POT1: variants seen among roughly 807,000 people sequenced by gnomAD.
POT1 encodes protection of telomeres protein 1.
A neutral mutation model predicts 78.5 loss-of-function variants in POT1; 47 were observed. That is an observed-to-expected ratio of 0.60 (90% confidence interval 0.47 to 0.76). The LOEUF (loss-of-function observed/expected upper bound fraction) is 0.76. POT1 is among the 30% of genes least tolerant of loss of function. The probability of loss-of-function intolerance (pLI) is 0.00; values close to 1 mark genes in which losing one functional copy is unlikely to be tolerated. For synonymous variants in POT1, 259 were observed against 260.7 expected, an observed-to-expected ratio of 0.99 and a Z score of 0.06; for missense variants, 646 against 749.9, an observed-to-expected ratio of 0.86 and a Z score of 1.62.
rs762511146 is a variant in POT1 at position 124,827,315 on chromosome 7, GA to G, written c.1595-11del. 8 of 1,502,220 alleles carry G rather than the reference GA, an allele frequency of 5.3e-6. No homozygotes were observed. The highest frequency in any genetic ancestry group is 2.3e-5 in the East Asian group (1 of 43,630). 93.1% of individuals were successfully genotyped at this position (1,502,220 alleles called of 1,614,324 possible). A position where few individuals can be genotyped will look rare whatever the true frequency, so the allele number is the denominator to read the frequency against. On this transcript the variant is annotated splice_polypyrimidine_tract_variant and intron_variant, in intron 16 of 18. Transcript: ENST00000357628. ...GGTACAATACCCAGTGCTAGTGAAG[GA>G]AAAAAAGATCAAACCATATGAGTCT...
intron 7 of POT1, among the ~76,000 whole-genome samples, chr7:124,869,618 T>C (rs887058424): frequency 6.6e-6 from 1 of 152,204 alleles, no homozygotes; most frequent in Non-Finnish European, 1.5e-5. Context: ...AGTTTTCTCT[T>C]GTTGCCCAGA....
At chr7:124,897,534 C>T (rs1019399760) in intron 4 of POT1, among the ~76,000 whole-genome samples, 8 of 152,018 alleles carry the variant, frequency 5.3e-5, no homozygotes, top group African/African-American at 1.9e-4. Flanking sequence ...AATGCCAACT[C>T]CTATCAGTCC....
intron 17 of POT1, 34 bp downstream of exon 17, chr7:124,827,180 A>T (rs1794650113): frequency 8.2e-7 from 1 of 1,216,878 alleles, no homozygotes; most frequent in Non-Finnish European, 1.1e-6. Context: ...ATTATTTTTT[A>T]ATTAAAAATA....
At chr7:124,870,883 T>C (rs755554344) in intron 7 of POT1, 28 bp downstream of exon 7, 4 of 1,539,314 alleles carry the variant, frequency 2.6e-6, no homozygotes, top group Non-Finnish European at 3.5e-6. Context: ...TTCAAATAAA[T>C]ATAAGTTCTA....
chr7:124,927,394 CTG>C (rs1797299923), intron 2 of POT1, among the ~76,000 whole-genome samples: 1 of 152,112 alleles, frequency 6.6e-6, no homozygotes, highest in Non-Finnish European at 1.5e-5. Flanking sequence ...ATCACTTAAC[CTG>C]TGTTTGTTTT....
chr7:124,910,182 G>T (rs1796857871), intron 3 of POT1, among the ~76,000 whole-genome samples: 1 of 151,884 alleles, frequency 6.6e-6, no homozygotes, highest in South Asian at 2.1e-4. Flanking sequence ...GATTCAGTGG[G>T]AATGAGGGAA....
At position 124,842,922 on chromosome 7, in the gene POT1, C is replaced by T. The variant is rs2116468149; in HGVS notation, c.1048G>A (p.Ala350Thr). Reference sequence around the variant, plus strand: ...TGAGGAGCTTTTTGTTTCAAAATGGCACATAGTGGTGTCCTCTCCAAATAC... The same window carrying T: ...TGAGGAGCTTTTTGTTTCAAAATGGTACATAGTGGTGTCCTCTCCAAATAC... ...HQYLERTPLC[A>T]ILKQKAPQQY... The change falls in exon 13 of 19, where the codon GCC becomes ACC. Residue 350 changes from alanine (A) to threonine (T), a missense_variant. Coordinates refer to ENST00000357628, the MANE Select transcript of POT1 (RefSeq NM_015450.3). 1 of 1,605,736 alleles carries T rather than the reference C, an allele frequency of 6.2e-7. No homozygotes were observed. Among genetic ancestry groups the T allele is most frequent in the South Asian group, 1.1e-5 (1 of 89,442 alleles).
intron 3 of POT1, among the ~76,000 whole-genome samples, chr7:124,908,380 A>C (rs1234294352): frequency 6.6e-6 from 1 of 151,944 alleles, no homozygotes; most frequent in Admixed American, 6.6e-5. Context: ...TAAAAACCAA[A>C]ATTCTTAAAT....
intron 17 of POT1, 21 bp from the exon 18 acceptor site, chr7:124,825,378 G>C (rs1452740180): frequency 7.3e-7 from 1 of 1,377,704 alleles, no homozygotes; most frequent in African/African-American, 1.5e-5. Context: ...TTTCATGAGA[G>C]AAAAAAAAAG....
chr7:124,856,090 A>C (rs1795439931), intron 9 of POT1, among the ~76,000 whole-genome samples: 2 of 152,172 alleles, frequency 1.3e-5, no homozygotes. Context: ...ATTATATTCT[A>C]TAATTGCATT....
At chr7:124,919,715 A>T (rs946852987) in intron 2 of POT1, among the ~76,000 whole-genome samples, 1 of 152,158 alleles carries the variant, frequency 6.6e-6, no homozygotes, top group African/African-American at 2.4e-5. Flanking sequence ...AGCCACTTTG[A>T]TACTGATCTT....
At chr7:124,829,463 G>C in intron 15 of POT1, 121 bp from the exon 16 acceptor site, 2 of 627,356 alleles carry the variant, frequency 3.2e-6, no homozygotes, top group South Asian at 4.4e-5. Context: ...GAAGAATACT[G>C]CATCCCCTAT....
rs1794765042 is a variant in POT1, at chr7:124,831,823, A to C, written c.1506-2481T>G. On this transcript the variant is annotated intron_variant, in intron 15 of 18. Coordinates refer to ENST00000357628, the MANE Select transcript of POT1 (RefSeq NM_015450.3). ...ACGAAACAGTTTATATAAATTTAAA[A>C]AATGAAAAATATGCCATACTGCTTA... 3.3e-5 allele frequency among the ~76,000 whole-genome samples: 5 copies of C among 152,006 alleles called. No homozygotes were observed. The South Asian group carries it at 1.0e-3, about 31-fold the overall frequency.
intron 3 of POT1, among the ~76,000 whole-genome samples, chr7:124,908,997 T>C (rs1796829184): frequency 6.6e-6 from 1 of 151,848 alleles, no homozygotes; most frequent in African/African-American, 2.4e-5. Flanking sequence ...TACAGTTAAT[T>C]AGCTATGAAC....
At chr7:124,913,032 T>C (rs892872982) in intron 3 of POT1, among the ~76,000 whole-genome samples, 6 of 152,150 alleles carry the variant, frequency 3.9e-5, no homozygotes, top group African/African-American at 1.4e-4. Context: ...TCACATCTCA[T>C]GTGGATGGCA....
At position 124,901,686 on chromosome 7, in the gene POT1, A is replaced by C. The variant is rs1463095054; in HGVS notation, c.-153-3312T>G. Among the ~76,000 whole-genome samples, 4 of 152,330 alleles carry C rather than the reference A, an allele frequency of 2.6e-5. No individual in the cohort carries two copies. The South Asian group carries it at 8.3e-4, about 32-fold the overall frequency. On this transcript the variant is annotated intron_variant, in intron 3 of 18. Coordinates refer to ENST00000357628, the MANE Select transcript of POT1 (RefSeq NM_015450.3). ...AGCTGGACAGAGAATAACTTTGATG[A>C]GTTGGCAGAAGTAGGCTTCAGAAGA...
intron 15 of POT1, among the ~76,000 whole-genome samples, chr7:124,833,175 A>G (rs951702398): frequency 1.3e-5 from 2 of 152,160 alleles, no homozygotes; most frequent in African/African-American, 2.4e-5. Flanking sequence ...GACACTGAGT[A>G]TATCAGTAAA....
intron 14 of POT1, among the ~76,000 whole-genome samples, chr7:124,836,751 T>C (rs1247697064): frequency 1.3e-5 from 2 of 152,204 alleles, no homozygotes; most frequent in Non-Finnish European, 2.9e-5. Flanking sequence ...TGTTACTCTG[T>C]AAGATCATTA....
intron 6 of POT1, among the ~76,000 whole-genome samples, chr7:124,875,656 A>G (rs545496917): frequency 3.2e-4 from 49 of 152,296 alleles, no homozygotes; most frequent in African/African-American, 1.1e-3. Context: ...ATCTCAGGCT[A>G]TTTATCTCCA....
Sources: gnomAD v4.1 joint callset for allele counts (sites outside exome capture counted in the v4.1 genomes callset) on GRCh38, gnomAD v4.1.1 for gene constraint, MANE v1.5 for transcripts, NCBI Gene and HGNC (gene_info 2026-07-23, HGNC 2026-07-21) for gene names.